The following ADAMTS18 variants were observed in gnomAD, a reference collection of about 807,000 sequenced individuals.
ADAMTS18 encodes the protein ADAM metallopeptidase with thrombospondin type 1 motif 18.
In ADAMTS18, 157 loss-of-function variants were observed where a neutral mutation model predicts 165.9. That is an observed-to-expected ratio of 0.95 (90% CI 0.83 to 1.08). The LOEUF (loss-of-function observed/expected upper bound fraction) is 1.08, where lower values mean the gene tolerates loss of function less well. Ranked by LOEUF, ADAMTS18 falls within the 50% of genes least tolerant of loss-of-function variation. ADAMTS18 has a pLI of 0.00. For synonymous variants in ADAMTS18, 782 were observed against 578.2 expected, an observed-to-expected ratio of 1.35 and a Z score of -5.06; for missense variants, 2,040 against 1,534.0, an observed-to-expected ratio of 1.33 and a Z score of -5.51.
chr16:77,360,914 C>T (rs371636267), intron 7 of ADAMTS18, among the ~76,000 whole-genome samples: 10 of 151,816 alleles, frequency 6.6e-5, no homozygotes, highest in East Asian at 1.9e-4. Context: ...TGGTGAAACC[C>T]GTCTCTACTA....
intron 3 of ADAMTS18, among the ~76,000 whole-genome samples, chr16:77,400,468 GTGTGTGTGTGTGTTT>G (rs1481535654): frequency 1.4e-5 from 2 of 140,048 alleles, no homozygotes; most frequent in Admixed American, 1.4e-4. Flanking sequence ...GTGTGTGTGT[GTGTGTGTGTGTGTTT>G]TGTTTTTTTT....
At chr16:77,293,623 G>C (rs35457602) in intron 19 of ADAMTS18, among the ~76,000 whole-genome samples, 3 of 151,338 alleles carry the variant, frequency 2.0e-5, no homozygotes, top group Non-Finnish European at 2.9e-5. Flanking sequence ...ATTCCCTAAC[G>C]TATCAGTCTC....
At chr16:77,405,872 AC>A (rs2057387208) in intron 3 of ADAMTS18, among the ~76,000 whole-genome samples, 1 of 152,122 alleles carries the variant, frequency 6.6e-6, no homozygotes, top group African/African-American at 2.4e-5. Context: ...ACCTCATTTA[AC>A]CTTCACTACA....
chr16:77,342,572 T>C (rs1429173133), intron 10 of ADAMTS18, among the ~76,000 whole-genome samples: 1 of 152,168 alleles, frequency 6.6e-6, no homozygotes, highest in Non-Finnish European at 1.5e-5. Context: ...ATTACAAGCA[T>C]GAGCCACCAG....
rs1355413541 is a variant in ADAMTS18 at position 77,434,744 on chromosome 16, A to AGCGCACGGGCGGC, written c.-62_-50dup. ...GCGGGTGGCCAGACGCGGCAGGCGG[A>AGCGCACGGGCGGC]GCGCACGGGCGGCGCGCATTCTTTC... On this transcript the variant is annotated 5_prime_UTR_variant, in exon 1 of 23. It removes the in-frame stop codon of an upstream open reading frame in the 5' UTR. Coordinates refer to ENST00000282849, the MANE Select transcript of ADAMTS18 (RefSeq NM_199355.4). 7.3e-7 allele frequency: 1 copy of AGCGCACGGGCGGC among 1,367,778 alleles called. No homozygotes were observed. The highest frequency in any genetic ancestry group is 9.5e-7 in the Non-Finnish European group (1 of 1,056,762). 84.7% of individuals were successfully genotyped at this position (1,367,778 alleles called of 1,614,324 possible).
intron 7 of ADAMTS18, among the ~76,000 whole-genome samples, chr16:77,360,428 C>T (rs1181297070): frequency 2.0e-5 from 3 of 152,164 alleles, no homozygotes; most frequent in African/African-American, 7.2e-5. Flanking sequence ...GAAGTCAAAG[C>T]CCATGCCCTT....
intron 18 of ADAMTS18, among the ~76,000 whole-genome samples, 191 bp downstream of exon 18, chr16:77,297,098 T>C (rs569065688): frequency 6.6e-6 from 1 of 152,316 alleles, no homozygotes. Flanking sequence ...CTCTTCAGCC[T>C]CCCAAGTAGC....
chr16:77,341,666 A>G (rs114179941), intron 11 of ADAMTS18, 38 bp downstream of exon 11: 1 of 1,550,396 alleles, frequency 6.4e-7, no homozygotes, highest in Non-Finnish European at 8.9e-7. Context: ...TGCCTTATCA[A>G]ATTTCTGGAG....
At chr16:77,376,276 C>T (rs1179515753) in intron 3 of ADAMTS18, among the ~76,000 whole-genome samples, 6 of 152,152 alleles carry the variant, frequency 3.9e-5, no homozygotes, top group Non-Finnish European at 2.9e-5. Flanking sequence ...TTTTAAACAA[C>T]CAGATCTCAT....
intron 10 of ADAMTS18, among the ~76,000 whole-genome samples, chr16:77,351,303 T>C (rs1412065954): frequency 1.3e-5 from 2 of 152,238 alleles, no homozygotes; most frequent in Non-Finnish European, 2.9e-5. Flanking sequence ...TGTCCTTGTT[T>C]GACTCAATCT....
rs190911132 is a variant in ADAMTS18, at chr16:77,326,787, G to T, written c.1860-749C>A. Among the ~76,000 whole-genome samples the T allele has an allele frequency of 9.2e-5, 14 of 152,330 alleles. No homozygotes were observed. The East Asian group carries it at 2.5e-3, about 27-fold the overall frequency. ...TTGTTATACAGTTAAATTGCGTCTC[G>T]CAGGGGTTTGGTATACAGACTGTTT... On this transcript the variant is annotated intron_variant, in intron 12 of 22. Coordinates refer to ENST00000282849, the MANE Select transcript of ADAMTS18 (RefSeq NM_199355.4).
At position 77,335,802 on chromosome 16, in the gene ADAMTS18, A is replaced by G. The variant is rs762053977; in HGVS notation, c.1813T>C (p.Cys605Arg). 1.2e-6 allele frequency: 2 copies of G among 1,614,194 alleles called. No homozygotes were observed. Among genetic ancestry groups the G allele is most frequent in the South Asian group, 2.2e-5 (2 of 91,090 alleles). ...TCCTGGAACTTGACTCCTCCACCAC[A>G]TGTCCGGGAACATTCTGACCACTTC... is the stretch of plus-strand genomic sequence containing the variant. ...WSKWSECSRT[C>R]GGGVKFQERH... Residue 605 changes from cysteine (C) to arginine (R), a missense_variant, in exon 12 of 23, where the codon TGT becomes CGT. By Grantham distance (180) the Cys-to-Arg change is radical. Coordinates refer to ENST00000282849, the MANE Select transcript of ADAMTS18 (RefSeq NM_199355.4).
At chr16:77,298,880 T>C (rs1238397261) in intron 17 of ADAMTS18, among the ~76,000 whole-genome samples, 2 of 152,250 alleles carry the variant, frequency 1.3e-5, no homozygotes, top group African/African-American at 2.4e-5. Flanking sequence ...TCTTTTTCTC[T>C]TGGACACAGG....
intron 18 of ADAMTS18, among the ~76,000 whole-genome samples, chr16:77,295,643 C>T (rs1597088317): frequency 6.6e-6 from 1 of 152,118 alleles, no homozygotes; most frequent in Non-Finnish European, 1.5e-5. Flanking sequence ...GAGGTTTGTG[C>T]AGGAGAGAGG....
intron 3 of ADAMTS18, among the ~76,000 whole-genome samples, chr16:77,416,108 G>A (rs1224958630): frequency 1.3e-5 from 2 of 152,116 alleles, no homozygotes; most frequent in Non-Finnish European, 2.9e-5. Context: ...GGGGGTTGGG[G>A]AGTGATGGGA....
chr16:77,326,746 G>A (rs540712304), intron 12 of ADAMTS18, among the ~76,000 whole-genome samples: 18 of 152,176 alleles, frequency 1.2e-4, no homozygotes, highest in Non-Finnish European at 2.2e-4. Flanking sequence ...TTAGGTTCAG[G>A]GGTACATGTA....
intron 16 of ADAMTS18, among the ~76,000 whole-genome samples, chr16:77,310,307 T>C (rs2055756428): frequency 6.6e-6 from 1 of 152,224 alleles, no homozygotes; most frequent in South Asian, 2.1e-4. Flanking sequence ...CAAGTATAAA[T>C]GAGTCATTGT....
At chr16:77,389,499 A>G (rs1472542850) in intron 3 of ADAMTS18, among the ~76,000 whole-genome samples, 1 of 152,166 alleles carries the variant, frequency 6.6e-6, no homozygotes, top group East Asian at 1.9e-4. Flanking sequence ...TGTATTTATA[A>G]TGGGCCAGGC....
intron 3 of ADAMTS18, among the ~76,000 whole-genome samples, chr16:77,400,472 GTGTGTGTGTTT>G (rs1205087831): frequency 1.3e-4 from 15 of 115,874 alleles, no homozygotes; most frequent in African/African-American, 3.2e-4. Flanking sequence ...GTGTGTGTGT[GTGTGTGTGTTT>G]TGTTTTTTTT....
Sources: allele counts gnomAD v4.1 joint callset (sites outside exome capture counted in the v4.1 genomes callset), GRCh38; gene constraint gnomAD v4.1.1; transcripts MANE v1.5; gene names NCBI Gene and HGNC (gene_info 2026-07-23, HGNC 2026-07-21).